ITGA11: variants seen among roughly 807,000 people sequenced by gnomAD.
ITGA11 encodes integrin alpha-11.
A neutral mutation model predicts 141.9 loss-of-function variants in ITGA11; 97 were observed. The observed-to-expected ratio is 0.68, with a 90% CI of 0.58 to 0.81. The LOEUF is 0.81. Among genes scored for constraint, ITGA11 ranks in the 30% least tolerant of loss-of-function variants. ITGA11 has a pLI of 0.00. For missense variants in ITGA11, 1,387 were observed against 1,559.2 expected, an observed-to-expected ratio of 0.89 and a Z score of 1.86; for synonymous variants, 658 against 624.6, an observed-to-expected ratio of 1.05 and a Z score of -0.80.
rs190386797 is a variant in ITGA11, at chr15:68,325,076, G to A, written c.2322+55C>T. 1.4e-5 allele frequency: 18 copies of A among 1,277,884 alleles called. No individual in the cohort carries two copies. In the East Asian group the frequency reaches 3.9e-4, roughly 28 times the overall value. 79.2% of individuals were successfully genotyped at this position (1,277,884 alleles called of 1,614,324 possible). On this transcript the variant is annotated intron_variant, in intron 18 of 29. Coordinates refer to ENST00000315757, the MANE Select transcript of ITGA11 (RefSeq NM_001004439.2). The surrounding 1 kb of genome is among the most constrained non-coding windows in gnomAD (Gnocchi z 5.5). ...TCAGGCTCTGGGCTTTGGGGTTGAG[G>A]TGGAGGTGGGGGTGGGGTTCATGCC...
chr15:68,418,019 G>C (rs1157292883), intron 1 of ITGA11, among the ~76,000 whole-genome samples: 1 of 152,218 alleles, frequency 6.6e-6, no homozygotes, highest in Non-Finnish European at 1.5e-5. Flanking sequence ...GCTGGAGTCT[G>C]CATACAAGAG....
At chr15:68,384,264 T>TAA (rs61654399) in intron 2 of ITGA11, among the ~76,000 whole-genome samples, 4,083 of 132,598 alleles carry the variant, frequency 0.031, 112 homozygotes, top group East Asian at 0.11. Flanking sequence ...GGTTTGGCAT[T>TAA]AAAAAAAAAA....
chr15:68,386,318 C>T (rs1895983463), intron 2 of ITGA11, among the ~76,000 whole-genome samples: 1 of 152,178 alleles, frequency 6.6e-6, no homozygotes, highest in Non-Finnish European at 1.5e-5. Flanking sequence ...TGATTTGCTT[C>T]TAAGCCAGGC....
rs1034669054 is a variant in ITGA11, at chr15:68,425,134, G to GT, written c.52+6880dup. Among the ~76,000 whole-genome samples the GT allele has an allele frequency of 2.0e-5, 3 of 152,208 alleles. No individual in the cohort carries two copies. The East Asian group carries it at 5.8e-4, about 29-fold the overall frequency. ...GCTGGTGAAATGGACAGGCCACTTGGTTTTTTATCATCTGTAAAGTGGGAT... is the reference window on the plus strand; with the variant it reads ...GCTGGTGAAATGGACAGGCCACTTGGTTTTTTTATCATCTGTAAAGTGGGAT... On this transcript the variant is annotated intron_variant, in intron 1 of 29. Transcript: ENST00000315757.
chr15:68,374,092 A>G (rs988850826), intron 2 of ITGA11, among the ~76,000 whole-genome samples: 1 of 152,186 alleles, frequency 6.6e-6, no homozygotes, highest in Non-Finnish European at 1.5e-5. Flanking sequence ...TTATTATGCT[A>G]TAAGAGAAAC....
chr15:68,384,591 T>G lies in ITGA11; in HGVS notation c.165-15307A>C, dbSNP rs549963119. 5.2e-3 allele frequency among the ~76,000 whole-genome samples: 788 copies of G among 152,332 alleles called. 10 individuals carry two copies. Among genetic ancestry groups the G allele is most frequent in the African/African-American group, 0.018 (744 of 41,568 alleles). Reference sequence around the variant, plus strand: ...TGCTGGGTGGCTTGGCCTGGGGCCCTGGGCCAACGTTTCCCCACGAATACA... The same window carrying G: ...TGCTGGGTGGCTTGGCCTGGGGCCCGGGGCCAACGTTTCCCCACGAATACA... On this transcript the variant is annotated intron_variant, in intron 2 of 29. Transcript: ENST00000315757.
rs933740254 is a variant in ITGA11 at position 68,397,810 on chromosome 15, A to T, written c.164+5108T>A. On this transcript the variant is annotated intron_variant, in intron 2 of 29. Transcript: ENST00000315757. ...AAATAATATAAAATTATTAATAATA[A>T]TATTATATATTATTATATAAATATT... Among the ~76,000 whole-genome samples the T allele has an allele frequency of 9.1e-4, 97 of 107,070 alleles. 8 individuals carry two copies. The highest frequency in any genetic ancestry group is 4.3e-3 in the African/African-American group (95 of 21,890). 70.2% of individuals were successfully genotyped at this position (107,070 alleles called of 152,430 possible). A position where few individuals can be genotyped will look rare whatever the true frequency, so the allele number is the denominator to read the frequency against.
At chr15:68,365,505 G>A (rs757562170) in intron 3 of ITGA11, 22 of 175,780 alleles carry the variant, frequency 1.3e-4, no homozygotes, top group Admixed American at 3.3e-4. Flanking sequence ...GGAGGCCACC[G>A]AAGGAAAGGA....
At chr15:68,341,132 G>C (rs569807137) in intron 10 of ITGA11, among the ~76,000 whole-genome samples, 1 of 152,232 alleles carries the variant, frequency 6.6e-6, no homozygotes, top group South Asian at 2.1e-4. Context: ...TGTTCAGACA[G>C]AATGTTTTTA....
chr15:68,346,711 C>A (rs528482318), intron 10 of ITGA11, among the ~76,000 whole-genome samples: 1 of 152,350 alleles, frequency 6.6e-6, no homozygotes, highest in South Asian at 2.1e-4. Context: ...TACTGCCACC[C>A]AGGACTGCTG....
At chr15:68,416,021 C>T (rs888084115) in intron 1 of ITGA11, among the ~76,000 whole-genome samples, 4 of 152,214 alleles carry the variant, frequency 2.6e-5, no homozygotes, top group Non-Finnish European at 5.9e-5. Flanking sequence ...CCTCATCACA[C>T]ACACTGGGTG....
rs189522421 is a variant in ITGA11, at chr15:68,369,693, G to T, written c.165-409C>A. 1.2e-3 allele frequency among the ~76,000 whole-genome samples: 179 copies of T among 152,354 alleles called. 1 individual carries two copies. The highest frequency in any genetic ancestry group is 4.1e-3 in the African/African-American group (172 of 41,584). ...AAGGAATGATGTTTCTGGAGCCACA[G>T]AGTCTTGACCATCTGTCATTACCTG... On this transcript the variant is annotated intron_variant, in intron 2 of 29. Transcript: ENST00000315757.
chr15:68,348,441 G>C (rs1201026120), intron 10 of ITGA11, among the ~76,000 whole-genome samples: 1 of 152,216 alleles, frequency 6.6e-6, no homozygotes, highest in Non-Finnish European at 1.5e-5. Context: ...TTTGCACAAG[G>C]CTCTGTGGAC....
chr15:68,315,681 T>G lies in ITGA11; in HGVS notation c.2762A>C (p.His921Pro), dbSNP rs767792987. The G allele has an allele frequency of 3.7e-6, 6 of 1,613,214 alleles. No individual in the cohort carries two copies. In the South Asian group the frequency reaches 6.6e-5, roughly 18 times the overall value. The change falls in exon 22 of 30, where the codon CAC becomes CCC. Residue 921 changes from histidine (H) to proline (P), a missense_variant. By Grantham distance (77) the His-to-Pro change is moderately conservative (BLOSUM62 -2). Coordinates refer to ENST00000315757, the MANE Select transcript of ITGA11 (RefSeq NM_001004439.2). Reference protein sequence around the residue: ...DFEFSKSIFLHHLEIELAAGS... With the variant: ...DFEFSKSIFLPHLEIELAAGS... ...TGCAGCGAGCTCGATCTCCAGGTGG[T>G]GTAGGAAGATGGATTTGCTGAACTC...
chr15:68,393,360 C>T (rs1328269589), intron 2 of ITGA11, among the ~76,000 whole-genome samples: 2 of 152,018 alleles, frequency 1.3e-5, no homozygotes, highest in Admixed American at 6.6e-5. Flanking sequence ...TTAAAAGTAT[C>T]AATGCAGATT....
rs1896442224 is a variant in ITGA11, at chr15:68,400,491, C to A, written c.164+2427G>T. On this transcript the variant is annotated intron_variant, in intron 2 of 29. Coordinates refer to ENST00000315757, the MANE Select transcript of ITGA11 (RefSeq NM_001004439.2). ...AGAGAATGAAAAGGCAAGCCATAGA[C>A]TGGGAACAGATATTTGCAATGCTTC... Among the ~76,000 whole-genome samples the A allele has an allele frequency of 2.9e-5, 4 of 137,110 alleles. No homozygotes were observed. In the South Asian group the frequency reaches 8.6e-4, roughly 30 times the overall value. 89.9% of individuals were successfully genotyped at this position (137,110 alleles called of 152,430 possible).
In ITGA11 at chr15:68,335,986, A is replaced by G. The variant is rs1894344431; in HGVS notation, c.1277-141T>C. On this transcript the variant is annotated intron_variant, in intron 11 of 29. Transcript: ENST00000315757. This position sits in a 1 kb window ranked among gnomAD's most constrained non-coding sequence, Gnocchi z 4.9. Reference sequence around the variant, plus strand: ...GCTAGCTGAGCAGATTCAATCACGCAGGGCCATAATTCCTAGGGGCAGCTG... The same window carrying G: ...GCTAGCTGAGCAGATTCAATCACGCGGGGCCATAATTCCTAGGGGCAGCTG... The G allele has an allele frequency of 1.0e-6, 1 of 990,886 alleles. No homozygotes were observed. The highest frequency in any genetic ancestry group is 1.5e-6 in the Non-Finnish European group (1 of 675,628). The allele number at this position is 990,886 out of a possible 1,614,324, so 61.4% of individuals were successfully genotyped here. A position where few individuals can be genotyped will look rare whatever the true frequency, so the allele number is the denominator to read the frequency against.
chr15:68,349,482 T>G lies in ITGA11; in HGVS notation c.1061-582A>C, dbSNP rs996880251. Among the ~76,000 whole-genome samples the G allele has an allele frequency of 4.6e-5, 7 of 152,306 alleles. No individual in the cohort carries two copies. The East Asian group carries it at 7.7e-4, about 17-fold the overall frequency. On this transcript the variant is annotated intron_variant, in intron 9 of 29. Coordinates refer to ENST00000315757, the MANE Select transcript of ITGA11 (RefSeq NM_001004439.2). ...GTTCTCATCACTCAAGGCGACCATT[T>G]TGAGGAGAAATACAGATTTGGATAT...
At chr15:68,323,938 G>GATTA (rs1893888747) in intron 18 of ITGA11, among the ~76,000 whole-genome samples, 1 of 152,174 alleles carries the variant, frequency 6.6e-6, no homozygotes, top group South Asian at 2.1e-4. Context: ...TCAGAGCAGG[G>GATTA]ATTACCCTGT....
Sources: allele counts gnomAD v4.1 joint callset (sites outside exome capture counted in the v4.1 genomes callset), GRCh38; gene constraint gnomAD v4.1.1; non-coding constraint Gnocchi (gnomAD v3.1); transcripts MANE v1.5; gene names NCBI Gene and HGNC (gene_info 2026-07-23, HGNC 2026-07-21).